JAG1: variants seen among roughly 807,000 people sequenced by gnomAD.
JAG1 encodes protein jagged-1.
Under a neutral mutation model 148.7 loss-of-function variants are expected in JAG1, and 23 were observed. The observed-to-expected ratio is 0.15, with a 90% confidence interval of 0.11 to 0.22. The LOEUF (loss-of-function observed/expected upper bound fraction) is 0.22. Among genes scored for constraint, JAG1 ranks in the 10% least tolerant of loss-of-function variants. JAG1 has a pLI of 1.00. For synonymous variants in JAG1, 572 were observed against 598.3 expected (o/e 0.96, Z 0.64); for missense variants, 1,054 against 1,611.2 (o/e 0.65, Z 5.92).
Position 10,645,053 on chromosome 20 carries a change from C to G in JAG1, c.2228-74G>C, listed in dbSNP as rs745371428. Reference sequence around the variant, plus strand: ...AGTCTGGAGGGGCAAGAACCAGGCCCAGAGAAATATCATAAGCTCCAGGGG... The same window carrying G: ...AGTCTGGAGGGGCAAGAACCAGGCCGAGAGAAATATCATAAGCTCCAGGGG... On this transcript the variant is annotated intron_variant, in intron 17 of 25. Coordinates refer to ENST00000254958, the MANE Select transcript of JAG1 (RefSeq NM_000214.3). This position sits in a 1 kb window ranked among gnomAD's most constrained non-coding sequence, Gnocchi z 6.1. 18 of 1,523,380 alleles carry G rather than the reference C, an allele frequency of 1.2e-5. No individual in the cohort carries two copies. The highest frequency in any genetic ancestry group is 1.6e-5 in the Non-Finnish European group (18 of 1,097,366). 94.4% of individuals were successfully genotyped at this position (1,523,380 alleles called of 1,614,324 possible).
chr20:10,656,931 G>A (rs1032226628), intron 4 of JAG1, among the ~76,000 whole-genome samples: 5 of 151,292 alleles, frequency 3.3e-5, no homozygotes, highest in African/African-American at 1.2e-4. Context: ...AAAATTCCAT[G>A]GGACTAACAG....
At chr20:10,655,522 T>A (rs2067372929) in intron 5 of JAG1, among the ~76,000 whole-genome samples, 1 of 152,126 alleles carries the variant, frequency 6.6e-6, no homozygotes, top group Non-Finnish European at 1.5e-5. Context: ...TGCGTTTTAA[T>A]AAGAGCCCCA....
chr20:10,672,374 C>T (rs2067502477), intron 2 of JAG1, among the ~76,000 whole-genome samples: 1 of 152,182 alleles, frequency 6.6e-6, no homozygotes, highest in Non-Finnish European at 1.5e-5. Flanking sequence ...ACAACGATCT[C>T]TTGGCTTGGG....
Position 10,663,971 on chromosome 20 carries a change from T to C in JAG1, c.431A>G (p.Asp144Gly). 6.2e-7 allele frequency: 1 copy of C among 1,613,580 alleles called. No individual in the cohort carries two copies. The highest frequency in any genetic ancestry group is 8.5e-7 in the Non-Finnish European group (1 of 1,179,514). Residue 144 changes from aspartate (D) to glycine (G), a missense_variant, in exon 3 of 26, where the codon GAC becomes GGC. Around this residue, in one of 6 missense-constraint regions of JAG1, gnomAD observed 151 missense variants for 211.1 expected, o/e 0.72. Transcript: ENST00000254958. ...ACAGAAGCGATACTTACGAACGGTGTCATTACTGGAATCCCACGCCTCCAC... is the reference window on the plus strand; with the variant it reads ...ACAGAAGCGATACTTACGAACGGTGCCATTACTGGAATCCCACGCCTCCAC... ...LLVEAWDSSN[D>G]TVQPDSIIEK... is the part of the protein sequence containing the mutation.
intron 2 of JAG1, 57 bp downstream of exon 2, chr20:10,672,644 C>G (rs1244228932): frequency 6.4e-7 from 1 of 1,558,346 alleles, no homozygotes; most frequent in African/African-American, 1.4e-5. Flanking sequence ...GATAACAGGG[C>G]TCGGCCAGGC....
intron 2 of JAG1, among the ~76,000 whole-genome samples, chr20:10,666,855 G>A (rs926420358): frequency 2.6e-5 from 4 of 152,166 alleles, no homozygotes; most frequent in African/African-American, 9.7e-5. Context: ...GGAGAGTCCT[G>A]GCATCAAAGC....
In JAG1 at chr20:10,639,329, T is replaced by G. The variant is rs997456741; in HGVS notation, c.*169A>C. 2 of 736,676 alleles carry G rather than the reference T, an allele frequency of 2.7e-6. No individual in the cohort carries two copies. The highest frequency in any genetic ancestry group is 3.9e-5 in the Admixed American group (2 of 51,000). The allele number at this position is 736,676 out of a possible 1,614,324, so 45.6% of individuals were successfully genotyped here. On this transcript the variant is annotated 3_prime_UTR_variant, in exon 26 of 26. Coordinates refer to ENST00000254958, the MANE Select transcript of JAG1 (RefSeq NM_000214.3). ...TAGCTGTGAGATGCGGCACTCGATT[T>G]CCCAGCCAACCACAGAAACTACCAT...
Position 10,673,386 on chromosome 20 carries a change from G to A in JAG1, c.81+64C>T, listed in dbSNP as rs542922545. On this transcript the variant is annotated intron_variant, in intron 1 of 25. Transcript: ENST00000254958. This position sits in a 1 kb window ranked among gnomAD's most constrained non-coding sequence, Gnocchi z 4.7. ...CCGAGCCTGCTCGCGGGGCTCAACC[G>A]CCCAGGGCGCCGCGAGGGGAGGGAG... The A allele has an allele frequency of 1.3e-4, 165 of 1,231,192 alleles. No individual in the cohort carries two copies. The African/African-American group carries it at 2.5e-3, about 19-fold the overall frequency. 76.3% of individuals were successfully genotyped at this position (1,231,192 alleles called of 1,614,324 possible).
Position 10,639,264 on chromosome 20 carries a change from G to C in JAG1, c.*234C>G. ...TGATCCGAGACCGTGTCGGCTGCAAGGGGACACACAACCAGGGTACTGTTG... is the reference window on the plus strand; with the variant it reads ...TGATCCGAGACCGTGTCGGCTGCAACGGGACACACAACCAGGGTACTGTTG... On this transcript the variant is annotated 3_prime_UTR_variant, in exon 26 of 26. Transcript: ENST00000254958. The C allele has an allele frequency of 1.7e-6, 1 of 577,996 alleles. No homozygotes were observed. Among genetic ancestry groups the C allele is most frequent in the Non-Finnish European group, 3.2e-6 (1 of 315,888 alleles). 35.8% of individuals were successfully genotyped at this position (577,996 alleles called of 1,614,324 possible). A position where few individuals can be genotyped will look rare whatever the true frequency, so the allele number is the denominator to read the frequency against.
chr20:10,647,363 C>G, intron 13 of JAG1: 1 of 543,068 alleles, frequency 1.8e-6, no homozygotes. Flanking sequence ...TCCCCTTCAT[C>G]CTACCTTTGA....
rs1394868251 is a variant in JAG1, at chr20:10,651,951, A to T, written c.1006+180T>A. 1.3e-5 allele frequency among the ~76,000 whole-genome samples: 2 copies of T among 152,216 alleles called. 1 individual carries two copies. The highest frequency in any genetic ancestry group is 2.9e-5 in the Non-Finnish European group (2 of 68,038). On this transcript the variant is annotated intron_variant, in intron 7 of 25. Coordinates refer to ENST00000254958, the MANE Select transcript of JAG1 (RefSeq NM_000214.3). ...CCCGCTGCCTCCTATACGAATCAGC[A>T]TCACCCAAAAAACTTTAGAGACTTG...
intron 3 of JAG1, chr20:10,662,656 G>C (rs1290507582): frequency 6.6e-6 from 1 of 152,210 alleles, no homozygotes; most frequent in East Asian, 1.9e-4. Context: ...CTCAACGTTT[G>C]TGGCAGGGAG....
chr20:10,667,215 CTG>C (rs1202534423), intron 2 of JAG1, among the ~76,000 whole-genome samples: 1 of 152,228 alleles, frequency 6.6e-6, no homozygotes, highest in Non-Finnish European at 1.5e-5. Flanking sequence ...CCCCAGGCTG[CTG>C]CGACAGGCAG....
intron 20 of JAG1, among the ~76,000 whole-genome samples, chr20:10,643,432 A>C (rs1363837578): frequency 6.6e-6 from 1 of 152,174 alleles, no homozygotes; most frequent in African/African-American, 2.4e-5. Flanking sequence ...TTTATCCTAT[A>C]CCAGTGTAGC....
intron 8 of JAG1, chr20:10,650,614 G>A (rs1232004270): frequency 2.0e-6 from 1 of 501,468 alleles, no homozygotes; most frequent in Non-Finnish European, 3.6e-6. Flanking sequence ...GATACTGACG[G>A]AGCATCCGCC....
At chr20:10,669,022 T>C (rs2067476355) in intron 2 of JAG1, among the ~76,000 whole-genome samples, 1 of 66,902 alleles carries the variant, frequency 1.5e-5, no homozygotes, top group African/African-American at 6.7e-5. Context: ...AGGTTACACC[T>C]GCAAGAGAAA....
intron 8 of JAG1, 124 bp downstream of exon 8, chr20:10,651,457 T>C: frequency 1.5e-6 from 1 of 663,472 alleles, no homozygotes; most frequent in Non-Finnish European, 2.7e-6. Context: ...TTACCAGACT[T>C]AGGCCTGCAC....
intron 7 of JAG1, 125 bp downstream of exon 7, chr20:10,652,006 G>C: frequency 5.4e-6 from 6 of 1,120,384 alleles, no homozygotes; most frequent in East Asian, 2.4e-5. Context: ...GAATGGTTGG[G>C]ATAAGGCCTA....
chr20:10,662,942 C>T (rs2067427121), intron 3 of JAG1, among the ~76,000 whole-genome samples: 1 of 152,146 alleles, frequency 6.6e-6, no homozygotes, highest in Non-Finnish European at 1.5e-5. Context: ...CTCCAAGTAG[C>T]CCAATAAGCC....
Sources: allele counts gnomAD v4.1 joint callset (sites outside exome capture counted in the v4.1 genomes callset), GRCh38; gene constraint gnomAD v4.1.1; regional missense constraint gnomAD v4.1.1; non-coding constraint Gnocchi (gnomAD v3.1); transcripts MANE v1.5; gene names NCBI Gene and HGNC (gene_info 2026-07-23, HGNC 2026-07-21).